The following NCOA2 variants were observed in gnomAD, a reference collection of about 807,000 sequenced individuals.
NCOA2 encodes class E basic helix-loop-helix protein 75.
Under a neutral mutation model 145.1 loss-of-function variants are expected in NCOA2, and 21 were observed. The observed-to-expected ratio is 0.14, with a 90% CI of 0.10 to 0.21. The LOEUF is 0.21. Ranked by LOEUF, NCOA2 falls within the 10% of genes least tolerant of loss-of-function variation. NCOA2 has a pLI of 1.00. For synonymous variants in NCOA2, 619 were observed against 637.5 expected (o/e 0.97, Z 0.44); for missense variants, 1,472 against 1,837.6 (o/e 0.80, Z 3.64).
chr8:70,157,386 G>T, intron 10 of NCOA2, 146 bp from the exon 11 acceptor site: 1 of 788,192 alleles, frequency 1.3e-6, no homozygotes, highest in Non-Finnish European at 1.9e-6. Flanking sequence ...GAAATCATCT[G>T]CAATTATTGA....
chr8:70,227,021 A>G (rs968109538), intron 2 of NCOA2, among the ~76,000 whole-genome samples: 10 of 152,196 alleles, frequency 6.6e-5, no homozygotes, highest in Admixed American at 5.9e-4. Flanking sequence ...ATGGTATGTT[A>G]AAGTGAAAGT....
upstream of NCOA2, among the ~76,000 whole-genome samples, chr8:70,406,218 C>T (rs968241677): frequency 7.2e-5 from 11 of 152,160 alleles, no homozygotes; most frequent in African/African-American, 2.4e-4. Flanking sequence ...GTATCTATTC[C>T]GATCCTCATG....
chr8:70,339,169 C>A (rs1807899560), intron 1 of NCOA2, among the ~76,000 whole-genome samples: 1 of 152,046 alleles, frequency 6.6e-6, no homozygotes, highest in African/African-American at 2.4e-5. Flanking sequence ...ACAGCATGAT[C>A]CAGCATCTAG....
intron 7 of NCOA2, 92 bp downstream of exon 7, chr8:70,166,473 CT>C: frequency 7.0e-7 from 1 of 1,425,922 alleles, no homozygotes; most frequent in Non-Finnish European, 9.8e-7. Flanking sequence ...TGCCTCCTCA[CT>C]TTTCTTTGGG....
chr8:70,173,864 A>T (rs370486559), intron 5 of NCOA2, among the ~76,000 whole-genome samples: 41 of 152,214 alleles, frequency 2.7e-4, no homozygotes, highest in South Asian at 4.2e-4. Context: ...AAAAAAAGAG[A>T]TAAGGGGGAC....
At chr8:70,228,189 T>C (rs906471970) in intron 2 of NCOA2, among the ~76,000 whole-genome samples, 2 of 152,218 alleles carry the variant, frequency 1.3e-5, no homozygotes, top group Non-Finnish European at 2.9e-5. Context: ...CCTCAAATGA[T>C]GGATTTTGGT....
At chr8:70,121,472 TCCTC>T in intron 21 of NCOA2, 81 bp from the exon 22 acceptor site, 1 of 1,095,110 alleles carries the variant, frequency 9.1e-7, no homozygotes, top group Non-Finnish European at 1.4e-6. Flanking sequence ...CCGCCGCCCT[TCCTC>T]TGTTTTTAGG....
intron 2 of NCOA2, among the ~76,000 whole-genome samples, chr8:70,233,120 G>A (rs1237688470): frequency 6.6e-6 from 1 of 151,908 alleles, no homozygotes. Flanking sequence ...AAGCTACTCA[G>A]GAGGCTGAGG....
At chr8:70,396,490 G>A (rs770372298) in intron 1 of NCOA2, among the ~76,000 whole-genome samples, 4 of 152,198 alleles carry the variant, frequency 2.6e-5, no homozygotes, top group African/African-American at 4.8e-5. Context: ...CAATGCTACA[G>A]TAAGAAACAT....
chr8:70,268,788 T>C (rs1305379554), intron 2 of NCOA2, among the ~76,000 whole-genome samples: 1 of 152,172 alleles, frequency 6.6e-6, no homozygotes, highest in Non-Finnish European at 1.5e-5. Flanking sequence ...ATTTTTAACA[T>C]GGAGTAACAG....
chr8:70,144,888 A>G lies in NCOA2; in HGVS notation c.2606-40T>C, dbSNP rs1451669369. On this transcript the variant is annotated intron_variant, in intron 12 of 22. Transcript: ENST00000452400. ...AATGAAAATTGAAGGTTAATATAGG[A>G]TAATGGAAAATAATATTAACAGTAG... 5 of 1,509,956 alleles carry G rather than the reference A, an allele frequency of 3.3e-6. No individual in the cohort carries two copies. In the Admixed American group the frequency reaches 6.7e-5, roughly 20 times the overall value. The allele number at this position is 1,509,956 out of a possible 1,614,324, so 93.5% of individuals were successfully genotyped here.
the NCOA2 span, among the ~76,000 whole-genome samples, chr8:70,440,976 GA>G: frequency 7.2e-6 from 1 of 138,264 alleles, no homozygotes; most frequent in Non-Finnish European, 1.6e-5. Flanking sequence ...AAGAAAGGGA[GA>G]GAGAAAGAAA....
chr8:70,243,699 G>A (rs1275825937), intron 2 of NCOA2, among the ~76,000 whole-genome samples: 2 of 150,500 alleles, frequency 1.3e-5, no homozygotes, highest in Non-Finnish European at 3.0e-5. Context: ...GCGGAAAATG[G>A]TATGTAACCC....
chr8:70,110,776 C>T lies in NCOA2; in HGVS notation c.*2856G>A, dbSNP rs562671261. 6.3e-4 allele frequency: 140 copies of T among 223,970 alleles called. 1 individual carries two copies. The highest frequency in any genetic ancestry group is 3.0e-3 in the African/African-American group (133 of 44,984). The allele number at this position is 223,970 out of a possible 1,614,324, so 13.9% of individuals were successfully genotyped here. ...GGGGCATTTTAATCTTTGAGTCAAA[C>T]GAATTCATTGTAGTAAAACAGCTCA... On this transcript the variant is annotated 3_prime_UTR_variant, in exon 23 of 23. Coordinates refer to ENST00000452400, the MANE Select transcript of NCOA2 (RefSeq NM_006540.4).
chr8:70,280,044 A>G (rs145720018), intron 2 of NCOA2, among the ~76,000 whole-genome samples: 1 of 152,280 alleles, frequency 6.6e-6, no homozygotes. Context: ...ACACATCAAG[A>G]ATCTATCTTC....
chr8:70,339,019 C>A (rs1330004563), intron 1 of NCOA2, among the ~76,000 whole-genome samples: 1 of 151,948 alleles, frequency 6.6e-6, no homozygotes, highest in East Asian at 1.9e-4. Context: ...CCTTGAAAAC[C>A]GGCATAAGAC....
rs183321945 is a variant in NCOA2 at position 70,287,454 on chromosome 8, T to C, written c.-20+9290A>G. ...CAACTTTGCGTAAAAAGGTCCTATA[T>C]AGGCTTCTGATTATGGGAATTCTAA... On this transcript the variant is annotated intron_variant, in intron 2 of 22. Transcript: ENST00000452400. Among the ~76,000 whole-genome samples, 36 of 152,318 alleles carry C rather than the reference T, an allele frequency of 2.4e-4. No homozygotes were observed. The East Asian group carries it at 4.2e-3, about 18-fold the overall frequency.
intron 1 of NCOA2, among the ~76,000 whole-genome samples, chr8:70,317,039 T>C (rs2136100503): frequency 6.6e-6 from 1 of 152,288 alleles, no homozygotes; most frequent in South Asian, 2.1e-4. Flanking sequence ...CAGGGTTAGT[T>C]TGTGCTATAA....
At chr8:70,403,168 C>T (rs984125523) in intron 1 of NCOA2, among the ~76,000 whole-genome samples, 1 of 151,244 alleles carries the variant, frequency 6.6e-6, no homozygotes, top group African/African-American at 2.4e-5. Flanking sequence ...TCCGCGCTTC[C>T]ATTAAAGAAT....
Sources: gnomAD v4.1 joint callset for allele counts (sites outside exome capture counted in the v4.1 genomes callset) on GRCh38, gnomAD v4.1.1 for gene constraint, MANE v1.5 for transcripts, NCBI Gene and HGNC (gene_info 2026-07-23, HGNC 2026-07-21) for gene names.